Variants in LTAP1 observed in about 807,000 individuals in gnomAD.
LTAP1 encodes the protein HCV NS5A-transactivated protein 4.
At chr1:154,216,868 C>T in the LTAP1 span, among the ~76,000 whole-genome samples, 4 of 151,630 alleles carry the variant, frequency 2.6e-5, no homozygotes, top group South Asian at 6.2e-4. Flanking sequence ...ACGCTGGTCT[C>T]GAACTCCTGA....
the LTAP1 span, among the ~76,000 whole-genome samples, chr1:154,219,229 T>C: frequency 6.6e-6 from 1 of 152,220 alleles, no homozygotes; most frequent in Non-Finnish European, 1.5e-5. Context: ...GTTGGCAATA[T>C]ATGTAAGGAA....
chr1:154,209,984 C>T, the LTAP1 span, among the ~76,000 whole-genome samples: 1 of 152,006 alleles, frequency 6.6e-6, no homozygotes, highest in Non-Finnish European at 1.5e-5. Context: ...TCTCAGCCTC[C>T]CAAAGTGTTG....
At chr1:154,220,377 CCCCGGAG>C in the LTAP1 span, 1 of 1,614,230 alleles carries the variant, frequency 6.2e-7, no homozygotes, top group South Asian at 1.1e-5. Flanking sequence ...ACGACATTCA[CCCCGGAG>C]AGCCAGTTAC....
At chr1:154,212,581 C>T in the LTAP1 span, 1 of 1,614,186 alleles carries the variant, frequency 6.2e-7, no homozygotes, top group Non-Finnish European at 8.5e-7. Context: ...AATTCTTGCC[C>T]ATTAAGGAAC....
chr1:154,219,113 C>A, the LTAP1 span, among the ~76,000 whole-genome samples: 1 of 152,106 alleles, frequency 6.6e-6, no homozygotes, highest in Non-Finnish European at 1.5e-5. Context: ...AAGCGAAAGA[C>A]TAAAGAAGCA....
the LTAP1 span, chr1:154,220,238 G>A: frequency 1.2e-5 from 16 of 1,386,282 alleles, no homozygotes; most frequent in African/African-American, 2.1e-4. Flanking sequence ...AGCCCGGATA[G>A]GCGCAGGTGA....
the LTAP1 span, among the ~76,000 whole-genome samples, chr1:154,215,939 G>A: frequency 6.6e-6 from 1 of 151,054 alleles, no homozygotes; most frequent in African/African-American, 2.4e-5. Flanking sequence ...CCGGGTTCAC[G>A]CCATTCTCCT....
the LTAP1 span, among the ~76,000 whole-genome samples, chr1:154,214,939 G>C: frequency 6.6e-6 from 1 of 151,526 alleles, no homozygotes; most frequent in African/African-American, 2.4e-5. Context: ...CCGCCTCCCA[G>C]GTTCAAGCAA....
chr1:154,210,633 T>A, the LTAP1 span, among the ~76,000 whole-genome samples: 2 of 151,980 alleles, frequency 1.3e-5, no homozygotes, highest in Non-Finnish European at 1.5e-5. Flanking sequence ...GCGCACATCA[T>A]CATGCCCGGC....
the LTAP1 span, chr1:154,220,455 G>A: frequency 2.5e-6 from 4 of 1,610,744 alleles, no homozygotes; most frequent in African/African-American, 1.3e-5. Context: ...CCGCTGTCCT[G>A]GCTGGTCAGC....
chr1:154,220,424 G>T, the LTAP1 span: 1 of 1,614,148 alleles, frequency 6.2e-7, no homozygotes, highest in African/African-American at 1.3e-5. Context: ...CCTACCTCGC[G>T]CAGAATTGTT....
At chr1:154,219,817 T>C in the LTAP1 span, 1 of 1,541,938 alleles carries the variant, frequency 6.5e-7, no homozygotes, top group Admixed American at 2.0e-5. Context: ...TATGTTTAAC[T>C]TGTGCCCTAA....
chr1:154,217,138 G>A, the LTAP1 span, among the ~76,000 whole-genome samples: 2 of 150,260 alleles, frequency 1.3e-5, no homozygotes, highest in Non-Finnish European at 3.0e-5. Context: ...TAGTACAGTC[G>A]GGGTTTCACC....
At chr1:154,217,501 T>C in the LTAP1 span, among the ~76,000 whole-genome samples, 4 of 152,240 alleles carry the variant, frequency 2.6e-5, no homozygotes, top group East Asian at 5.8e-4. Flanking sequence ...TATTCTCTTG[T>C]GAACGGCATT....
chr1:154,219,811 T>C, the LTAP1 span: 1 of 1,517,438 alleles, frequency 6.6e-7, no homozygotes, highest in South Asian at 1.2e-5. Flanking sequence ...GAGAAGTATG[T>C]TTAACTTGTG....
chr1:154,220,214 G>T, the LTAP1 span: 2 of 1,155,924 alleles, frequency 1.7e-6, no homozygotes, highest in South Asian at 2.5e-5. Context: ...CCTACTCCTG[G>T]AATAAGGAGT....
chr1:154,209,425 T>G, the LTAP1 span, among the ~76,000 whole-genome samples: 2 of 30,580 alleles, frequency 6.5e-5, no homozygotes, highest in Non-Finnish European at 1.5e-4. Context: ...TCTAAGCAGT[T>G]TTTTTTTTTT....
At chr1:154,212,270 T>A in the LTAP1 span, 1 of 1,595,308 alleles carries the variant, frequency 6.3e-7, no homozygotes, top group African/African-American at 1.3e-5. Flanking sequence ...GTGGCAACAG[T>A]CCAACACTAC....
chr1:154,213,118 C>A, the LTAP1 span: 1 of 155,554 alleles, frequency 6.4e-6, no homozygotes, highest in African/African-American at 2.4e-5. Flanking sequence ...ACCAGCCTGG[C>A]CAACATGGTG....
Sources: allele counts gnomAD v4.1 joint callset (sites outside exome capture counted in the v4.1 genomes callset), GRCh38; gene constraint gnomAD v4.1.1; transcripts MANE v1.5; gene names NCBI Gene and HGNC (gene_info 2026-07-23, HGNC 2026-07-21).